The following DPT variants were observed in gnomAD, a reference collection of about 807,000 sequenced individuals.
DPT encodes the protein dermatopontin.
A neutral mutation model predicts 31.2 loss-of-function variants in DPT; 21 were observed. The observed-to-expected ratio is 0.67, with a 90% confidence interval of 0.48 to 0.97. The LOEUF (loss-of-function observed/expected upper bound fraction) is 0.97. DPT is among the 50% of genes least tolerant of loss of function. The pLI, the probability that DPT is intolerant of heterozygous loss-of-function variation, is 0.00. For synonymous variants in DPT, 91 were observed against 86.9 expected (o/e 1.05, Z -0.26); for missense variants, 262 against 258.8 (o/e 1.01, Z -0.08).
intron 2 of DPT, among the ~76,000 whole-genome samples, chr1:168,711,876 T>C (rs1423245375): frequency 6.6e-6 from 1 of 152,252 alleles, no homozygotes; most frequent in Non-Finnish European, 1.5e-5. Context: ...ACAAATGTTA[T>C]GTGCCTGTCA....
intron 1 of DPT, among the ~76,000 whole-genome samples, chr1:168,726,125 G>A (rs185034413): frequency 1.1e-3 from 173 of 152,282 alleles, no homozygotes; most frequent in Middle Eastern, 3.4e-3. Context: ...TCAACCCTGT[G>A]ATTAGTAGAC....
At chr1:168,718,680 T>C (rs1572631370) in intron 1 of DPT, among the ~76,000 whole-genome samples, 1 of 152,186 alleles carries the variant, frequency 6.6e-6, no homozygotes, top group Admixed American at 6.5e-5. Flanking sequence ...TCTGGGCGGG[T>C]TTCGTGCCCT....
intron 2 of DPT, among the ~76,000 whole-genome samples, chr1:168,712,425 G>A (rs947886233): frequency 1.3e-5 from 2 of 152,184 alleles, no homozygotes; most frequent in African/African-American, 4.8e-5. Context: ...TCTGATTCAG[G>A]GAAAGTTATA....
chr1:168,707,474 G>T (rs1358225240), intron 2 of DPT, among the ~76,000 whole-genome samples: 3 of 151,914 alleles, frequency 2.0e-5, no homozygotes, highest in Non-Finnish European at 4.4e-5. Flanking sequence ...GCTGGCCTTG[G>T]GTTAACCAAT....
chr1:168,723,285 T>C (rs1276693109), intron 1 of DPT, among the ~76,000 whole-genome samples: 2 of 152,238 alleles, frequency 1.3e-5, no homozygotes, highest in African/African-American at 2.4e-5. Context: ...CCGTCTGCCA[T>C]CTGCTAGCCA....
At chr1:168,722,482 A>G (rs1650139743) in intron 1 of DPT, among the ~76,000 whole-genome samples, 1 of 152,190 alleles carries the variant, frequency 6.6e-6, no homozygotes, top group South Asian at 2.1e-4. Context: ...TTTATCAAGG[A>G]CTTGCAATGT....
intron 2 of DPT, among the ~76,000 whole-genome samples, chr1:168,705,454 C>A (rs1037505390): frequency 6.6e-6 from 1 of 152,134 alleles, no homozygotes; most frequent in African/African-American, 2.4e-5. Flanking sequence ...AAAGCACACA[C>A]CACAGACTCC....
chr1:168,706,826 A>T (rs1312587986), intron 2 of DPT, among the ~76,000 whole-genome samples: 1 of 152,146 alleles, frequency 6.6e-6, no homozygotes, highest in Non-Finnish European at 1.5e-5. Flanking sequence ...TGAGTTTCTA[A>T]CTCACTGTCC....
chr1:168,717,840 G>T (rs1650019471), intron 1 of DPT, among the ~76,000 whole-genome samples: 1 of 152,258 alleles, frequency 6.6e-6, no homozygotes, highest in South Asian at 2.1e-4. Flanking sequence ...TAATCACTTT[G>T]TAAATGCCTG....
chr1:168,726,674 G>A (rs969283293), intron 1 of DPT, among the ~76,000 whole-genome samples: 5 of 152,236 alleles, frequency 3.3e-5, no homozygotes, highest in African/African-American at 9.6e-5. Context: ...CACAAAAAAC[G>A]GCTGTTAGAA....
chr1:168,709,665 C>T (rs1365805337), intron 2 of DPT, among the ~76,000 whole-genome samples: 15 of 152,180 alleles, frequency 9.9e-5, no homozygotes, highest in Non-Finnish European at 4.4e-5. Context: ...ATTCACTTAG[C>T]TAGTTCATAC....
chr1:168,711,959 G>A (rs1356193238), intron 2 of DPT, among the ~76,000 whole-genome samples: 2 of 151,848 alleles, frequency 1.3e-5, no homozygotes, highest in Non-Finnish European at 2.9e-5. Flanking sequence ...GGGCAGAAGT[G>A]GAGGGATGGG....
intron 1 of DPT, among the ~76,000 whole-genome samples, chr1:168,722,945 G>A (rs1319621699): frequency 6.6e-6 from 1 of 152,088 alleles, no homozygotes; most frequent in Non-Finnish European, 1.5e-5. Context: ...CAGGTTCCCA[G>A]ACAGAAGCAA....
chr1:168,706,500 G>T (rs1232877103), intron 2 of DPT, among the ~76,000 whole-genome samples: 1 of 152,158 alleles, frequency 6.6e-6, no homozygotes, highest in East Asian at 1.9e-4. Flanking sequence ...CCCAAATGGA[G>T]TTATGTGTAA....
At chr1:168,709,873 G>C (rs2101904095) in intron 2 of DPT, among the ~76,000 whole-genome samples, 1 of 152,260 alleles carries the variant, frequency 6.6e-6, no homozygotes, top group South Asian at 2.1e-4. Context: ...ACTCTGTAAG[G>C]CTGTTAAAAG....
intron 2 of DPT, among the ~76,000 whole-genome samples, chr1:168,704,936 T>C (rs544628325): frequency 2.6e-4 from 40 of 152,342 alleles, no homozygotes; most frequent in Non-Finnish European, 4.6e-4. Flanking sequence ...TACAATATCA[T>C]AGACTGAGCT....
At chr1:168,701,838 T>C (rs1649605176) in intron 2 of DPT, among the ~76,000 whole-genome samples, 1 of 152,228 alleles carries the variant, frequency 6.6e-6, no homozygotes, top group Non-Finnish European at 1.5e-5. Flanking sequence ...TTCTGATCTG[T>C]AGAAGAATAA....
Position 168,695,984 on chromosome 1 carries a change from C to T in DPT, c.*565G>A, listed in dbSNP as rs1649457601. 2.6e-6 allele frequency: 1 copy of T among 389,992 alleles called. No homozygotes were observed. 24.2% of individuals were successfully genotyped at this position (389,992 alleles called of 1,614,324 possible). On this transcript the variant is annotated 3_prime_UTR_variant, in exon 4 of 4. Transcript: ENST00000367817. ...AAACCCTTCCATTTCCCCATTTCAC[C>T]TCCCAGTCTCCTCACTCCTGGAGCA... is the stretch of plus-strand genomic sequence containing the variant.
chr1:168,714,388 A>G, intron 1 of DPT, 42 bp from the exon 2 acceptor site: 1 of 1,613,338 alleles, frequency 6.2e-7, no homozygotes, highest in South Asian at 1.1e-5. Flanking sequence ...ACAGTGACAC[A>G]TACACAGACC....
Sources: allele counts gnomAD v4.1 joint callset (sites outside exome capture counted in the v4.1 genomes callset), GRCh38; gene constraint gnomAD v4.1.1; transcripts MANE v1.5; gene names NCBI Gene and HGNC (gene_info 2026-07-23, HGNC 2026-07-21).